Variants in DHRSX observed in about 807,000 individuals in gnomAD.
DHRSX encodes the protein dehydrogenase/reductase X-linked.
DHRSX carries 31 observed loss-of-function variants against 34.0 expected under a neutral mutation model. The ratio of observed to expected loss-of-function variants is 0.91; its 90% CI spans 0.69 to 1.23. DHRSX has a LOEUF of 1.23. DHRSX is among the 50% of genes most tolerant of loss of function. DHRSX has a pLI of 0.00. For missense variants in DHRSX, 414 were observed against 428.1 expected, an observed-to-expected ratio of 0.97 and a Z score of 0.29; for synonymous variants, 201 against 183.8, an observed-to-expected ratio of 1.09 and a Z score of -0.76.
At chrX:2,269,245 A>G (rs2041516690) in intron 4 of DHRSX, among the ~76,000 whole-genome samples, 1 of 152,196 alleles carries the variant, frequency 6.6e-6, no homozygotes, top group Admixed American at 6.5e-5. Flanking sequence ...ATATGCTTGT[A>G]TTAGTGTGTA....
chrX:2,382,035 C>A (rs190685470), intron 3 of DHRSX, among the ~76,000 whole-genome samples: 75 of 152,280 alleles, frequency 4.9e-4, no homozygotes, highest in Admixed American at 4.8e-3. Context: ...ACTTCTCCTG[C>A]ATAGTGCAAA....
chrX:2,485,858 G>GA (rs2044907570), intron 1 of DHRSX, among the ~76,000 whole-genome samples: 1 of 117,668 alleles, frequency 8.5e-6, no homozygotes, highest in African/African-American at 3.7e-5. Context: ...GAGAAAGAAA[G>GA]AAGGGAAGGG....
chrX:2,248,741 C>A (rs1247949469), intron 5 of DHRSX, among the ~76,000 whole-genome samples: 1 of 152,058 alleles, frequency 6.6e-6, no homozygotes, highest in African/African-American at 2.4e-5. Context: ...CCACCCCACC[C>A]CCAGAAGGAA....
intron 3 of DHRSX, among the ~76,000 whole-genome samples, chrX:2,299,897 C>T (rs2041991167): frequency 6.6e-6 from 1 of 151,528 alleles, no homozygotes; most frequent in African/African-American, 2.4e-5. Flanking sequence ...GAATTTCTAA[C>T]ATCTAAAGGG....
chrX:2,276,111 G>T (rs1724711179), intron 4 of DHRSX, among the ~76,000 whole-genome samples: 3 of 152,178 alleles, frequency 2.0e-5, no homozygotes, highest in Admixed American at 2.0e-4. Flanking sequence ...CAAAGTGCTG[G>T]GATTACAGGC....
intron 5 of DHRSX, among the ~76,000 whole-genome samples, chrX:2,244,599 A>G (rs1231522788): frequency 6.6e-6 from 1 of 152,182 alleles, no homozygotes; most frequent in Non-Finnish European, 1.5e-5. Flanking sequence ...TGGGGCTCCA[A>G]AGATGCCCAG....
In DHRSX at chrX:2,235,755, AG is replaced by A. The variant is rs1252158745; in HGVS notation, c.804+7267del. On this transcript the variant is annotated intron_variant, in intron 6 of 6. Transcript: ENST00000334651. Reference sequence around the variant, plus strand: ...ATCTCAGGGGAAAAAAAAAAAAAAAAGGGAACAAAAAAAGAAATCCGCACCT... The same window carrying A: ...ATCTCAGGGGAAAAAAAAAAAAAAAAGGAACAAAAAAAGAAATCCGCACCT... Among the ~76,000 whole-genome samples the A allele has an allele frequency of 7.3e-5, 9 of 123,238 alleles. No individual in the cohort carries two copies. The South Asian group carries it at 8.4e-4, about 11-fold the overall frequency. 80.8% of individuals were successfully genotyped at this position (123,238 alleles called of 152,430 possible). A position where few individuals can be genotyped will look rare whatever the true frequency, so the allele number is the denominator to read the frequency against.
intron 3 of DHRSX, among the ~76,000 whole-genome samples, chrX:2,308,509 T>C (rs1231983694): frequency 6.6e-6 from 1 of 151,970 alleles, no homozygotes; most frequent in African/African-American, 2.4e-5. Flanking sequence ...ATGATTGAAG[T>C]CTAAAACGTT....
At chrX:2,425,686 C>T (rs188315501) in intron 1 of DHRSX, among the ~76,000 whole-genome samples, 87 of 152,204 alleles carry the variant, frequency 5.7e-4, no homozygotes, top group Admixed American at 1.6e-3. Flanking sequence ...TGTTCGTTTG[C>T]GTTGTAAAAT....
intron 3 of DHRSX, among the ~76,000 whole-genome samples, chrX:2,304,269 G>GTGGA (rs1569485923): frequency 4.9e-5 from 4 of 81,844 alleles, no homozygotes; most frequent in African/African-American, 1.6e-4. Context: ...GGGTGGGTGG[G>GTGGA]TGGATGGATG....
intron 3 of DHRSX, among the ~76,000 whole-genome samples, chrX:2,319,094 T>TA (rs906159640): frequency 2.6e-5 from 4 of 151,990 alleles, no homozygotes; most frequent in South Asian, 4.2e-4. Context: ...AACAGTGGGT[T>TA]AAAAAAAATC....
intron 1 of DHRSX, among the ~76,000 whole-genome samples, chrX:2,472,196 G>C (rs2044603703): frequency 6.6e-6 from 1 of 150,920 alleles, no homozygotes; most frequent in Non-Finnish European, 1.5e-5. Context: ...GCACGGAGGT[G>C]GAGGCCATTA....
At chrX:2,275,068 G>A (rs2046652118) in intron 4 of DHRSX, among the ~76,000 whole-genome samples, 1 of 152,030 alleles carries the variant, frequency 6.6e-6, no homozygotes. Context: ...GACAATCGAC[G>A]GCAAATTCAA....
intron 5 of DHRSX, among the ~76,000 whole-genome samples, chrX:2,263,424 C>T (rs2041390468): frequency 6.6e-6 from 1 of 151,860 alleles, no homozygotes; most frequent in South Asian, 2.1e-4. Flanking sequence ...GACGCTGGCA[C>T]ACTTTGATCT....
chrX:2,399,725 C>CAAAAAAAAAAAAAAAAAAAA (rs779558142), intron 3 of DHRSX, among the ~76,000 whole-genome samples: 5 of 35,210 alleles, frequency 1.4e-4, no homozygotes, highest in East Asian at 8.9e-4. Flanking sequence ...AAACAAAAAG[C>CAAAAAAAAAAAAAAAAAAAA]AAAAAAAAAA....
At chrX:2,339,967 T>C (rs150765428) in intron 3 of DHRSX, among the ~76,000 whole-genome samples, 4,134 of 152,272 alleles carry the variant, frequency 0.027, 110 homozygotes, top group Non-Finnish European at 0.042. Flanking sequence ...ATGGTTGAAC[T>C]AATTTACACT....
chrX:2,240,346 A>C (rs2016112830), intron 6 of DHRSX, among the ~76,000 whole-genome samples: 1 of 152,074 alleles, frequency 6.6e-6, no homozygotes, highest in Non-Finnish European at 1.5e-5. Flanking sequence ...TTGAGGAATG[A>C]GAGATTCGAA....
At chrX:2,350,933 A>C (rs1370778931) in intron 3 of DHRSX, among the ~76,000 whole-genome samples, 2 of 152,196 alleles carry the variant, frequency 1.3e-5, no homozygotes, top group Admixed American at 1.3e-4. Context: ...CTCTGCAGGG[A>C]CATGGATGAA....
chrX:2,371,423 C>T (rs865796011), intron 3 of DHRSX, among the ~76,000 whole-genome samples: 3 of 110,512 alleles, frequency 2.7e-5, no homozygotes, highest in Admixed American at 9.9e-5. Flanking sequence ...GTCCCTCCTT[C>T]TGTTACCACA....
Sources: allele counts gnomAD v4.1 joint callset (sites outside exome capture counted in the v4.1 genomes callset), GRCh38; gene constraint gnomAD v4.1.1; transcripts MANE v1.5; gene names NCBI Gene and HGNC (gene_info 2026-07-23, HGNC 2026-07-21).